Variants in AOC1 observed in about 807,000 individuals in gnomAD.
AOC1 encodes diamine oxidase [copper-containing].
AOC1 carries 58 observed loss-of-function variants against 57.1 expected under a neutral mutation model. The observed-to-expected ratio is 1.02, with a 90% CI of 0.82 to 1.26. AOC1 has a LOEUF of 1.26. Ranked by LOEUF, AOC1 falls within the 50% of genes most tolerant of loss-of-function variation. AOC1 has a pLI of 0.00. For missense variants in AOC1, 917 were observed against 1,005.3 expected (o/e 0.91, Z 1.19); for synonymous variants, 401 against 423.4 (o/e 0.95, Z 0.65).
At position 150,858,972 on chromosome 7, in the gene AOC1, C is replaced by A. The variant is rs766897897; in HGVS notation, c.1780C>A (p.Arg594Ser). 1.6e-5 allele frequency: 25 copies of A among 1,605,888 alleles called. No individual in the cohort carries two copies. Among genetic ancestry groups the A allele is most frequent in the Non-Finnish European group, 2.0e-5 (23 of 1,174,348 alleles). ...CCCCTGGGGCCACAAGCGCACGTAC[C>A]GCCTGCAGATCCACTCCATGGCCGA... Reference protein sequence around the residue: ...ENPWGHKRTYRLQIHSMADQV... With the variant: ...ENPWGHKRTYSLQIHSMADQV... Residue 594 changes from arginine to serine, a missense_variant, in exon 3 of 5, where the codon CGC (arginine) becomes AGC (serine). Arg to Ser is a moderately radical substitution (Grantham distance 110). Transcript: ENST00000360937.
Position 150,860,619 on chromosome 7 carries a change from A to C in AOC1, c.1975A>C (p.Asn659His), listed in dbSNP as rs35070995. 1.2e-3 allele frequency: 1,908 copies of C among 1,613,882 alleles called. 24 individuals carry two copies. The African/African-American group carries it at 0.023, about 19-fold the overall frequency. The change falls in exon 4 of 5, where the codon AAC (asparagine) becomes CAC (histidine). Residue 659 changes from asparagine (N) to histidine (H), a missense_variant. Transcript: ENST00000360937. Reference protein sequence around the residue: ...VFEQFLHNNENIENEDLVAWV... With the variant: ...VFEQFLHNNEHIENEDLVAWV... ...TGAGCAGTTTCTTCACAACAACGAGAACATTGAAAATGAGGTACTGCCCTG... is the reference window on the plus strand; with the variant it reads ...TGAGCAGTTTCTTCACAACAACGAGCACATTGAAAATGAGGTACTGCCCTG...
At chr7:150,854,616 C>T (rs1413896152) in intron 1 of AOC1, among the ~76,000 whole-genome samples, 1 of 152,090 alleles carries the variant, frequency 6.6e-6, no homozygotes, top group African/African-American at 2.4e-5. Context: ...AGCTGAGCTT[C>T]TCTGGAGGAA....
Position 150,860,496 on chromosome 7 carries a change from G to A in AOC1, c.1857-5G>A. The A allele has an allele frequency of 6.2e-7, 1 of 1,613,928 alleles. No individual in the cohort carries two copies. Among genetic ancestry groups the A allele is most frequent in the Non-Finnish European group, 8.5e-7 (1 of 1,179,952 alleles). ...GAGCCAAGCTGCTTCGCCTGTGCCT[G>A]GCAGGTACCCCCTGGCAGTGACCAA... On this transcript the variant is annotated splice_polypyrimidine_tract_variant and splice_region_variant and intron_variant, in intron 3 of 4. Transcript: ENST00000360937.
At chr7:150,860,740 A>T (rs957914795) in intron 4 of AOC1, 107 bp downstream of exon 4, 2 of 1,444,808 alleles carry the variant, frequency 1.4e-6, no homozygotes, top group African/African-American at 2.8e-5. Flanking sequence ...CTTTGCCCAG[A>T]TCTGTCCCCA....
Position 150,857,250 on chromosome 7 carries a change from G to T in AOC1, c.780G>T (p.Val260=), listed in dbSNP as rs766493387. 6.2e-7 allele frequency: 1 copy of T among 1,611,282 alleles called. No individual in the cohort carries two copies. The highest frequency in any genetic ancestry group is 1.3e-5 in the African/African-American group (1 of 75,024). ...AGTATGCAGATGGAGAGGTGGACGT[G>T]GTGGTCCTGGAGGACCCGCTGCCTG... The part of the protein sequence containing the change: ...ARKYADGEVD[V]VVLEDPLPGG... The change falls in exon 2 of 5, where the codon GTG becomes GTT. Residue 260 remains valine (V), a synonymous_variant. Transcript: ENST00000360937. This position sits in a 1 kb window ranked among gnomAD's most constrained non-coding sequence, Gnocchi z 6.6.
Position 150,857,482 on chromosome 7 carries a change from A to C in AOC1, c.1012A>C (p.Asn338His). 1 of 1,613,328 alleles carries C rather than the reference A, an allele frequency of 6.2e-7. No individual in the cohort carries two copies. The highest frequency in any genetic ancestry group is 8.5e-7 in the Non-Finnish European group (1 of 1,179,824). ...LRSSSGLQVLNVHFGGERIAY... is the reference protein window; with the variant it reads ...LRSSSGLQVLHVHFGGERIAY... ...CTCCTCCTCCGGGCTGCAGGTCCTG[A>C]ACGTGCACTTCGGCGGAGAGCGCAT... is the stretch of plus-strand genomic sequence containing the variant. Residue 338 changes from asparagine (N) to histidine (H), a missense_variant, in exon 2 of 5, where the codon AAC (asparagine) becomes CAC (histidine). Asn to His is a moderately conservative substitution (Grantham distance 68). Coordinates refer to ENST00000360937, the MANE Select transcript of AOC1 (RefSeq NM_001091.4). This position sits in a 1 kb window ranked among gnomAD's most constrained non-coding sequence, Gnocchi z 6.6.
intron 1 of AOC1, among the ~76,000 whole-genome samples, chr7:150,853,614 G>A (rs1782051280): frequency 6.7e-6 from 1 of 149,270 alleles, no homozygotes; most frequent in Non-Finnish European, 1.5e-5. Context: ...AGGATCACTT[G>A]AGCCCAGGAG....
At position 150,860,509 on chromosome 7, in the gene AOC1, T is replaced by A; in HGVS notation, c.1865T>A (p.Leu622Gln). ...TCGCCTGTGCCTGGCAGGTACCCCC[T>A]GGCAGTGACCAAGTACCGGGAGTCG... ...EQAITWARYPLAVTKYRESEL... is the reference protein window; with the variant it reads ...EQAITWARYPQAVTKYRESEL... Residue 622 changes from leucine (L) to glutamine (Q), a missense_variant, in exon 4 of 5, where the codon CTG becomes CAG. Transcript: ENST00000360937. The A allele has an allele frequency of 6.2e-7, 1 of 1,613,862 alleles. No homozygotes were observed. Among genetic ancestry groups the A allele is most frequent in the South Asian group, 1.1e-5 (1 of 91,080 alleles).
chr7:150,859,834 G>A (rs1279304233), intron 3 of AOC1: 1 of 155,270 alleles, frequency 6.4e-6, no homozygotes, highest in African/African-American at 2.4e-5. Flanking sequence ...GAGGAGGAGG[G>A]GCTGGTCTTG....
At position 150,857,819 on chromosome 7, in the gene AOC1, T is replaced by A. The variant is rs1340869016; in HGVS notation, c.1349T>A (p.Leu450Gln). 2 of 1,614,190 alleles carry A rather than the reference T, an allele frequency of 1.2e-6. No homozygotes were observed. Among genetic ancestry groups the A allele is most frequent in the Admixed American group, 3.3e-5 (2 of 60,024 alleles). Residue 450 changes from leucine (L) to glutamine (Q), a missense_variant, in exon 2 of 5, where the codon CTG (leucine) becomes CAG (glutamine). By Grantham distance (113) the Leu-to-Gln change is moderately radical. Coordinates refer to ENST00000360937, the MANE Select transcript of AOC1 (RefSeq NM_001091.4). The surrounding 1 kb of genome is among the most constrained non-coding windows in gnomAD (Gnocchi z 6.6). ...TATGCGGGGCTGAAGGGCCAGGTGC[T>A]GGTGCTGCGGACAACTTCAACTGTC... Reference protein sequence around the residue: ...NFYAGLKGQVLVLRTTSTVYN... With the variant: ...NFYAGLKGQVQVLRTTSTVYN...
chr7:150,856,771 ATCT>A lies in AOC1; in HGVS notation c.306_308del (p.Phe103del). On this transcript the variant is annotated inframe_deletion, in exon 2 of 5. Coordinates refer to ENST00000360937, the MANE Select transcript of AOC1 (RefSeq NM_001091.4). This position sits in a 1 kb window ranked among gnomAD's most constrained non-coding sequence, Gnocchi z 5.2. ...TCCTGTGCGGGAAGCCCGTGCCGTCATCTTCTTTGGTGACCAGGAGCATCCCAA... is the reference window on the plus strand; with the variant it reads ...TCCTGTGCGGGAAGCCCGTGCCGTCATCTTTGGTGACCAGGAGCATCCCAA... 6.2e-7 allele frequency: 1 copy of A among 1,614,132 alleles called. No homozygotes were observed. Among genetic ancestry groups the A allele is most frequent in the African/African-American group, 1.3e-5 (1 of 75,054 alleles).
At position 150,856,857 on chromosome 7, in the gene AOC1, C is replaced by T; in HGVS notation, c.387C>T (p.Ser129=). 6.2e-7 allele frequency: 1 copy of T among 1,614,052 alleles called. No homozygotes were observed. The highest frequency in any genetic ancestry group is 2.2e-5 in the East Asian group (1 of 44,886). Residue 129 remains serine, a synonymous_variant, in exon 2 of 5, where the codon TCC becomes TCT. Transcript: ENST00000360937. The surrounding 1 kb of genome is among the most constrained non-coding windows in gnomAD (Gnocchi z 5.2). The part of the protein sequence containing the change: ...LPGPCYMRAL[S]PRPGYQSSWA... ...GGCCCTGCTACATGCGAGCACTGTC[C>T]CCCAGGCCTGGGTACCAGTCCTCCT...
In AOC1 at chr7:150,854,440, G is replaced by A. The variant is rs142662296; in HGVS notation, c.-17+1882G>A. On this transcript the variant is annotated intron_variant, in intron 1 of 4. Transcript: ENST00000360937. Reference sequence around the variant, plus strand: ...TTCATTTGTCTATGAATCAAGAACTGCCCATCGTGTACAAATTAAATACAA... The same window carrying A: ...TTCATTTGTCTATGAATCAAGAACTACCCATCGTGTACAAATTAAATACAA... 9.8e-4 allele frequency among the ~76,000 whole-genome samples: 150 copies of A among 152,342 alleles called. 2 individuals are homozygous for A. The highest frequency in any genetic ancestry group is 8.6e-3 in the Admixed American group (131 of 15,310).
Position 150,860,963 on chromosome 7 carries a change from G to A in AOC1, c.2010G>A (p.Thr670=), listed in dbSNP as rs137910086. The A allele has an allele frequency of 2.8e-5, 45 of 1,613,142 alleles. No homozygotes were observed. In the Admixed American group the frequency reaches 4.5e-4, roughly 16 times the overall value. Residue 670 remains threonine, a synonymous_variant, in exon 5 of 5, where the codon ACG becomes ACA. Transcript: ENST00000360937. ...TGCAGGACCTGGTGGCCTGGGTGACGGTGGGCTTCCTGCACATCCCCCACT... is the reference window on the plus strand; with the variant it reads ...TGCAGGACCTGGTGGCCTGGGTGACAGTGGGCTTCCTGCACATCCCCCACT... ...IENEDLVAWV[T]VGFLHIPHSE...
chr7:150,857,642 G>C lies in AOC1; in HGVS notation c.1172G>C (p.Cys391Ser). The change falls in exon 2 of 5, where the codon TGC becomes TCC. Residue 391 changes from cysteine (C) to serine (S), a missense_variant. By Grantham distance (112) the Cys-to-Ser change is moderately radical (BLOSUM62 -1). Transcript: ENST00000360937. This position sits in a 1 kb window ranked among gnomAD's most constrained non-coding sequence, Gnocchi z 6.6. Reference sequence around the variant, plus strand: ...CATGAGTTAGCCCCCGGCATCGACTGCCCGGAGACCGCCACCTTCCTGGAC... The same window carrying C: ...CATGAGTTAGCCCCCGGCATCGACTCCCCGGAGACCGCCACCTTCCTGGAC... ...VTHELAPGID[C>S]PETATFLDTF... The C allele has an allele frequency of 6.2e-7, 1 of 1,614,078 alleles. No individual in the cohort carries two copies. Among genetic ancestry groups the C allele is most frequent in the South Asian group, 1.1e-5 (1 of 91,080 alleles).
rs750826658 is a variant in AOC1 at position 150,858,890 on chromosome 7, C to T, written c.1698C>T (p.Ala566=). ...AGTACTCCTGGGAGCGCCAGGCGGC[C>T]TTCCGCTTCAAAAGGAAGCTGCCTA... ...QTQYSWERQA[A]FRFKRKLPKY... Residue 566 remains alanine (A), a synonymous_variant, in exon 3 of 5, where the codon GCC becomes GCT. Transcript: ENST00000360937. 6 of 1,613,750 alleles carry T rather than the reference C, an allele frequency of 3.7e-6. No individual in the cohort carries two copies. Among genetic ancestry groups the T allele is most frequent in the South Asian group, 3.3e-5 (3 of 91,012 alleles).
Position 150,857,935 on chromosome 7 carries a change from T to A in AOC1, c.1465T>A (p.Phe489Ile), listed in dbSNP as rs1014982611. The A allele has an allele frequency of 6.2e-7, 1 of 1,611,056 alleles. No individual in the cohort carries two copies. Among genetic ancestry groups the A allele is most frequent in the East Asian group, 2.2e-5 (1 of 44,816 alleles). ...MHATGYVHAT[F>I]YTPEGLRHGT... is the part of the protein sequence containing the mutation. ...TGCCACTGGCTACGTCCACGCCACC[T>A]TCTACACCCCCGAGGGGCTGCGCCA... The change falls in exon 2 of 5, where the codon TTC (phenylalanine) becomes ATC (isoleucine). Residue 489 changes from phenylalanine to isoleucine, a missense_variant. Transcript: ENST00000360937. This position sits in a 1 kb window ranked among gnomAD's most constrained non-coding sequence, Gnocchi z 6.6.
chr7:150,856,579 AGCAACC>A lies in AOC1; in HGVS notation c.110_115del (p.Ser37_Gln39delinsLys), dbSNP rs748023955. 9.3e-6 allele frequency: 15 copies of A among 1,614,120 alleles called. No homozygotes were observed. The highest frequency in any genetic ancestry group is 1.3e-5 in the Non-Finnish European group (15 of 1,179,970). ...GAAGGCAGGGGTGTTTTCAGACCTA[AGCAACC>A]AAGAGCTGAAGGCAGTGCACAGCTT... On this transcript the variant is annotated inframe_deletion, in exon 2 of 5. Transcript: ENST00000360937. The surrounding 1 kb of genome is among the most constrained non-coding windows in gnomAD (Gnocchi z 5.2).
chr7:150,857,954 T>C lies in AOC1; in HGVS notation c.1484T>C (p.Leu495Pro), dbSNP rs748495697. ...GCCACCTTCTACACCCCCGAGGGGC[T>C]GCGCCACGGCACTCGCCTGCACACC... ...VHATFYTPEG[L>P]RHGTRLHTHL... Residue 495 changes from leucine to proline, a missense_variant, in exon 2 of 5, where the codon CTG becomes CCG. Physicochemically the swap from Leu to Pro is moderately conservative, Grantham distance 98 (BLOSUM62 -3). Transcript: ENST00000360937. The surrounding 1 kb of genome is among the most constrained non-coding windows in gnomAD (Gnocchi z 6.6). The C allele has an allele frequency of 6.5e-5, 105 of 1,605,742 alleles. No individual in the cohort carries two copies. Among genetic ancestry groups the C allele is most frequent in the Non-Finnish European group, 8.1e-5 (95 of 1,177,994 alleles).
Sources: gnomAD v4.1 joint callset for allele counts (sites outside exome capture counted in the v4.1 genomes callset) on GRCh38, gnomAD v4.1.1 for gene constraint, Gnocchi (gnomAD v3.1) non-coding constraint, MANE v1.5 for transcripts, NCBI Gene and HGNC (gene_info 2026-07-23, HGNC 2026-07-21) for gene names.